The following MTSS1 variants were observed in gnomAD, a reference collection of about 807,000 sequenced individuals.
MTSS1 encodes the protein MTSS I-BAR domain containing 1, also known as protein MTSS 1.
In MTSS1, 18 loss-of-function variants were observed where a neutral mutation model predicts 79.0. The ratio of observed to expected loss-of-function variants is 0.23; its 90% confidence interval spans 0.16 to 0.34. The LOEUF is 0.34. MTSS1 is among the 10% of genes least tolerant of loss of function. The pLI, the probability that MTSS1 is intolerant of heterozygous loss-of-function variation, is 1.00. For synonymous variants in MTSS1, 341 were observed against 368.6 expected, an observed-to-expected ratio of 0.93 and a Z score of 0.86; for missense variants, 815 against 986.2, an observed-to-expected ratio of 0.83 and a Z score of 2.33.
At chr8:124,712,011 A>G (rs1831240069) in intron 1 of MTSS1, among the ~76,000 whole-genome samples, 1 of 151,926 alleles carries the variant, frequency 6.6e-6, no homozygotes, top group African/African-American at 2.4e-5. Context: ...GTCTCAGAAA[A>G]AAAAAAAAAA....
At chr8:124,689,746 CAAAAA>C (rs35782850) in intron 3 of MTSS1, among the ~76,000 whole-genome samples, 1 of 94,328 alleles carries the variant, frequency 1.1e-5, no homozygotes, top group Admixed American at 1.1e-4. Flanking sequence ...AACTCCATCT[CAAAAA>C]AAAAAAAAAA....
chr8:124,588,839 C>T (rs1417237606), intron 5 of MTSS1, among the ~76,000 whole-genome samples: 1 of 151,992 alleles, frequency 6.6e-6, no homozygotes, highest in Admixed American at 6.6e-5. Context: ...CTCAGCCTCC[C>T]GAGTAGTTGG....
At chr8:124,665,190 G>A (rs1822827661) in intron 3 of MTSS1, among the ~76,000 whole-genome samples, 2 of 152,164 alleles carry the variant, frequency 1.3e-5, no homozygotes, top group Admixed American at 1.3e-4. Flanking sequence ...AAGAAGCAGG[G>A]CTGCCTTCCA....
intron 1 of MTSS1, among the ~76,000 whole-genome samples, chr8:124,713,115 A>C (rs2135631291): frequency 6.6e-6 from 1 of 152,270 alleles, no homozygotes; most frequent in African/African-American, 2.4e-5. Context: ...GATTAAATAA[A>C]ATTTAAAATT....
chr8:124,602,879 G>C (rs1173334511), intron 3 of MTSS1, among the ~76,000 whole-genome samples: 1 of 152,182 alleles, frequency 6.6e-6, no homozygotes, highest in Non-Finnish European at 1.5e-5. Context: ...ATTGTGCTAC[G>C]AAGTAAAGAG....
chr8:124,693,811 C>T (rs1351741315), intron 3 of MTSS1, among the ~76,000 whole-genome samples: 1 of 152,200 alleles, frequency 6.6e-6, no homozygotes, highest in Non-Finnish European at 1.5e-5. Flanking sequence ...AAATTGGAAG[C>T]TCTAAAGATA....
chr8:124,613,688 C>T (rs906990108), intron 3 of MTSS1, among the ~76,000 whole-genome samples: 2 of 152,192 alleles, frequency 1.3e-5, no homozygotes, highest in African/African-American at 4.8e-5. Flanking sequence ...ATGCTATTTC[C>T]ATAGACAATG....
At chr8:124,575,920 G>A (rs990879701) in intron 6 of MTSS1, among the ~76,000 whole-genome samples, 1 of 151,974 alleles carries the variant, frequency 6.6e-6, no homozygotes, top group Non-Finnish European at 1.5e-5. Context: ...ATTTACCATT[G>A]CCTTCAACTC....
chr8:124,677,028 G>GA (rs1275369028), intron 3 of MTSS1, among the ~76,000 whole-genome samples: 3 of 151,704 alleles, frequency 2.0e-5, no homozygotes, highest in Non-Finnish European at 2.9e-5. Flanking sequence ...AAGGCACACA[G>GA]AAAAAAAAGG....
At chr8:124,635,022 T>C (rs920105442) in intron 3 of MTSS1, among the ~76,000 whole-genome samples, 1 of 152,252 alleles carries the variant, frequency 6.6e-6, no homozygotes, top group Admixed American at 6.5e-5. Flanking sequence ...TCTGTTCTTA[T>C]CTACAAAAAG....
intron 9 of MTSS1, among the ~76,000 whole-genome samples, 189 bp downstream of exon 9, chr8:124,565,473 T>C (rs992808488): frequency 6.6e-6 from 1 of 152,242 alleles, no homozygotes; most frequent in African/African-American, 2.4e-5. Context: ...TGGGGTTTTC[T>C]TTCTGATCCA....
chr8:124,723,800 G>A (rs563612020), intron 1 of MTSS1, among the ~76,000 whole-genome samples: 1 of 152,218 alleles, frequency 6.6e-6, no homozygotes, highest in Non-Finnish European at 1.5e-5. Context: ...TGCTCTGCTT[G>A]TCCTGCCTTT....
At chr8:124,686,458 T>C (rs905799117) in intron 3 of MTSS1, among the ~76,000 whole-genome samples, 16 of 152,202 alleles carry the variant, frequency 1.1e-4, no homozygotes, top group African/African-American at 3.9e-4. Flanking sequence ...AGAGTAGTTG[T>C]TTTTCAGATG....
chr8:124,605,778 C>T (rs568259660), intron 3 of MTSS1, among the ~76,000 whole-genome samples: 70 of 152,308 alleles, frequency 4.6e-4, no homozygotes, highest in African/African-American at 1.6e-3. Flanking sequence ...CATCCCCAAA[C>T]TATGCCAGAA....
At chr8:124,560,997 G>A (rs901823406) in intron 10 of MTSS1, among the ~76,000 whole-genome samples, 1 of 152,186 alleles carries the variant, frequency 6.6e-6, no homozygotes, top group Non-Finnish European at 1.5e-5. Flanking sequence ...ACTGCCTTCA[G>A]GAGATTGTAC....
chr8:124,602,122 T>C (rs570505092), intron 3 of MTSS1, among the ~76,000 whole-genome samples: 26 of 141,578 alleles, frequency 1.8e-4, no homozygotes, highest in Admixed American at 3.5e-4. Context: ...GGGCCACATA[T>C]AAAATACACT....
At chr8:124,664,135 C>T (rs56341029) in intron 3 of MTSS1, among the ~76,000 whole-genome samples, 4 of 152,352 alleles carry the variant, frequency 2.6e-5, no homozygotes, top group African/African-American at 4.8e-5. Flanking sequence ...CAGAAGCCAG[C>T]GCCTGCAGGG....
chr8:124,604,921 C>T (rs1231213633), intron 3 of MTSS1, among the ~76,000 whole-genome samples: 1 of 152,224 alleles, frequency 6.6e-6, no homozygotes, highest in Admixed American at 6.5e-5. Context: ...GAGATTCTGG[C>T]ATGCACCGTA....
chr8:124,647,471 CTT>C (rs1204846666), intron 3 of MTSS1, among the ~76,000 whole-genome samples: 1 of 152,116 alleles, frequency 6.6e-6, no homozygotes, highest in Non-Finnish European at 1.5e-5. Flanking sequence ...GATCTAATCT[CTT>C]AGAGATTTTC....
Sources: allele counts gnomAD v4.1 joint callset (sites outside exome capture counted in the v4.1 genomes callset), GRCh38; gene constraint gnomAD v4.1.1; transcripts MANE v1.5; gene names NCBI Gene and HGNC (gene_info 2026-07-23, HGNC 2026-07-21).